Variants in SPTLC1 observed in about 807,000 individuals in gnomAD.
SPTLC1 encodes serine palmitoyltransferase long chain base subunit 1.
In SPTLC1, 55 loss-of-function variants were observed where a neutral mutation model predicts 68.9. The ratio of observed to expected loss-of-function variants is 0.80; its 90% CI spans 0.64 to 1.00. The LOEUF (loss-of-function observed/expected upper bound fraction) is 1.00. SPTLC1 is among the 50% of genes least tolerant of loss of function. The pLI is 0.00. For missense variants in SPTLC1, 449 were observed against 573.1 expected, an observed-to-expected ratio of 0.78 and a Z score of 2.21; for synonymous variants, 197 against 201.6, an observed-to-expected ratio of 0.98 and a Z score of 0.19.
chr9:92,103,963 G>A (rs1350788239), intron 3 of SPTLC1, among the ~76,000 whole-genome samples: 1 of 152,196 alleles, frequency 6.6e-6, no homozygotes, highest in African/African-American at 2.4e-5. Flanking sequence ...ACGTCCCTGA[G>A]GCTAGAGTCC....
intron 8 of SPTLC1, among the ~76,000 whole-genome samples, chr9:92,051,973 C>T (rs1461235988): frequency 6.6e-6 from 1 of 152,078 alleles, no homozygotes; most frequent in Non-Finnish European, 1.5e-5. Flanking sequence ...GGAAAAATCC[C>T]AAGTTCATGG....
At chr9:92,043,914 A>G (rs1833428537) in intron 12 of SPTLC1, among the ~76,000 whole-genome samples, 1 of 152,142 alleles carries the variant, frequency 6.6e-6, no homozygotes, top group South Asian at 2.1e-4. Context: ...CGGATGGCCC[A>G]TGACCCAGCC....
chr9:92,051,317 T>C, intron 8 of SPTLC1: 1 of 954,722 alleles, frequency 1.0e-6, no homozygotes, highest in Non-Finnish European at 1.2e-6. Flanking sequence ...TGGTTCAACA[T>C]GGAAAAATCA....
intron 6 of SPTLC1, among the ~76,000 whole-genome samples, chr9:92,061,814 ACACT>A (rs1234254417): frequency 1.3e-5 from 2 of 152,190 alleles, no homozygotes; most frequent in Non-Finnish European, 2.9e-5. Context: ...GTGTAATGTA[ACACT>A]CAGAGTAATG....
At chr9:92,052,805 T>G (rs999072385) in intron 8 of SPTLC1, among the ~76,000 whole-genome samples, 12 of 152,242 alleles carry the variant, frequency 7.9e-5, no homozygotes, top group Admixed American at 2.0e-4. Flanking sequence ...GTGCTGGGAT[T>G]ACAGGCGTGA....
At chr9:92,067,179 A>G (rs965358002) in intron 6 of SPTLC1, among the ~76,000 whole-genome samples, 1 of 151,420 alleles carries the variant, frequency 6.6e-6, no homozygotes, top group African/African-American at 2.4e-5. Flanking sequence ...CATGCCTGTA[A>G]TCCCAGCTAC....
rs563747080 is a variant in SPTLC1 at position 92,045,147 on chromosome 9, G to T, written c.1136+852C>A. On this transcript the variant is annotated intron_variant, in intron 12 of 14. Coordinates refer to ENST00000262554, the MANE Select transcript of SPTLC1 (RefSeq NM_006415.4). ...TAATGTCTCTGCCCCTTCTTTATCT[G>T]GAACAGCTGTGATGTACTCATTTAT... Among the ~76,000 whole-genome samples, 10 of 152,142 alleles carry T rather than the reference G, an allele frequency of 6.6e-5. No individual in the cohort carries two copies. The South Asian group carries it at 1.7e-3, about 25-fold the overall frequency.
chr9:92,056,274 G>A (rs920644544), intron 7 of SPTLC1, among the ~76,000 whole-genome samples: 3 of 152,160 alleles, frequency 2.0e-5, no homozygotes, highest in African/African-American at 7.2e-5. Flanking sequence ...CTGTCACCCA[G>A]GTGGGAGTGC....
chr9:92,086,313 A>G (rs1212840649), intron 3 of SPTLC1, among the ~76,000 whole-genome samples: 4 of 152,152 alleles, frequency 2.6e-5, no homozygotes, highest in African/African-American at 9.6e-5. Flanking sequence ...TTTGCTCGTT[A>G]GTTGATGCAG....
chr9:92,113,925 T>C (rs1836334599), intron 1 of SPTLC1, among the ~76,000 whole-genome samples: 1 of 152,230 alleles, frequency 6.6e-6, no homozygotes, highest in African/African-American at 2.4e-5. Context: ...TCTAGATCTG[T>C]GTGGTCCAAT....
At chr9:92,070,199 T>G (rs552237379) in intron 5 of SPTLC1, 46 of 152,356 alleles carry the variant, frequency 3.0e-4, no homozygotes, top group African/African-American at 1.1e-3. Flanking sequence ...TTTTAGCTGA[T>G]GTCAGCCTTG....
At chr9:92,047,478 ATT>A in intron 10 of SPTLC1, 133 bp downstream of exon 10, 1 of 753,318 alleles carries the variant, frequency 1.3e-6, no homozygotes, top group South Asian at 1.6e-5. Context: ...ATTTTGAGTG[ATT>A]CTTTAAAAAT....
At chr9:92,104,692 C>T in intron 3 of SPTLC1, 1 of 1,527,268 alleles carries the variant, frequency 6.5e-7, no homozygotes, top group East Asian at 2.4e-5. Flanking sequence ...AGGTGAAAGA[C>T]CAGGTAGAGA....
At chr9:92,067,371 GGAC>G (rs1479469345) in intron 6 of SPTLC1, among the ~76,000 whole-genome samples, 2 of 152,038 alleles carry the variant, frequency 1.3e-5, no homozygotes, top group African/African-American at 4.8e-5. Context: ...TCCACTCATA[GGAC>G]GACAGGGCTT....
At chr9:92,050,185 T>C in intron 8 of SPTLC1, 118 bp from the exon 9 acceptor site, 2 of 709,842 alleles carry the variant, frequency 2.8e-6, no homozygotes, top group East Asian at 5.4e-5. Flanking sequence ...GTGAATTCTA[T>C]ATGTGCAAAT....
intron 3 of SPTLC1, among the ~76,000 whole-genome samples, chr9:92,094,482 C>T (rs973821191): frequency 2.1e-4 from 32 of 152,300 alleles, no homozygotes; most frequent in Non-Finnish European, 2.8e-4. Context: ...TAACTGAGTT[C>T]TGTCCCTCTC....
chr9:92,103,592 G>C (rs1371295276), intron 3 of SPTLC1, among the ~76,000 whole-genome samples: 5 of 152,228 alleles, frequency 3.3e-5, no homozygotes, highest in African/African-American at 1.2e-4. Context: ...GCCTGCCAGG[G>C]AGGCATGTGG....
chr9:92,044,401 G>A (rs548828365), intron 12 of SPTLC1, among the ~76,000 whole-genome samples: 2 of 152,288 alleles, frequency 1.3e-5, no homozygotes, highest in South Asian at 2.1e-4. Flanking sequence ...AAACTATGGG[G>A]ACATCAAGAA....
chr9:92,043,110 C>T (rs1269863477), intron 12 of SPTLC1, among the ~76,000 whole-genome samples: 1 of 152,188 alleles, frequency 6.6e-6, no homozygotes, highest in Non-Finnish European at 1.5e-5. Context: ...TTTTACCCCA[C>T]ACTCCCCTGA....
Sources: gnomAD v4.1 joint callset for allele counts (sites outside exome capture counted in the v4.1 genomes callset) on GRCh38, gnomAD v4.1.1 for gene constraint, MANE v1.5 for transcripts, NCBI Gene and HGNC (gene_info 2026-07-23, HGNC 2026-07-21) for gene names.